LHFPL3: variants seen among roughly 807,000 people sequenced by gnomAD.
LHFPL3 encodes LHFPL tetraspan subfamily member 3 protein.
In LHFPL3, 5 loss-of-function variants were observed where a neutral mutation model predicts 19.3. The ratio of observed to expected loss-of-function variants is 0.26; its 90% CI spans 0.14 to 0.54. The LOEUF is 0.54. Ranked by LOEUF, LHFPL3 falls within the 20% of genes least tolerant of loss-of-function variation. The pLI, the probability that LHFPL3 is intolerant of heterozygous loss-of-function variation, is 0.94. For synonymous variants in LHFPL3, 133 were observed against 126.2 expected (o/e 1.05, Z -0.36); for missense variants, 249 against 307.4 (o/e 0.81, Z 1.42).
chr7:104,413,620 T>C (rs571154991), intron 1 of LHFPL3, among the ~76,000 whole-genome samples: 1 of 152,304 alleles, frequency 6.6e-6, no homozygotes, highest in South Asian at 2.1e-4. Context: ...AGAGTCCATA[T>C]TCATGACCAC....
At chr7:104,687,707 C>A (rs1192459437) in intron 1 of LHFPL3, among the ~76,000 whole-genome samples, 2 of 152,194 alleles carry the variant, frequency 1.3e-5, no homozygotes, top group Non-Finnish European at 2.9e-5. Context: ...AGTTCCCTAT[C>A]TGGACCAGCA....
At chr7:104,885,865 C>T (rs965813446) in intron 2 of LHFPL3, among the ~76,000 whole-genome samples, 4 of 152,048 alleles carry the variant, frequency 2.6e-5, no homozygotes, top group Admixed American at 6.6e-5. Context: ...CTATATTGCC[C>T]GGTTCACCCT....
chr7:104,452,902 T>G lies in LHFPL3; in HGVS notation c.445+123678T>G, dbSNP rs550336011. ...AATTCATCCATAGACTGAGATACAG[T>G]ACAGATGATTACATTGGTGTCTGAT... On this transcript the variant is annotated intron_variant, in intron 1 of 2. Coordinates refer to ENST00000424859, the MANE Select transcript of LHFPL3 (RefSeq NM_199000.3). 3.3e-5 allele frequency among the ~76,000 whole-genome samples: 5 copies of G among 152,290 alleles called. No homozygotes were observed. In the South Asian group the frequency reaches 1.0e-3, roughly 32 times the overall value.
intron 1 of LHFPL3, among the ~76,000 whole-genome samples, chr7:104,512,235 A>G (rs924495206): frequency 2.2e-4 from 34 of 151,966 alleles, no homozygotes; most frequent in African/African-American, 8.0e-4. Flanking sequence ...GATTACAGGC[A>G]TGAGCCACAG....
chr7:104,697,559 A>T (rs987558268), intron 1 of LHFPL3, among the ~76,000 whole-genome samples: 1 of 152,208 alleles, frequency 6.6e-6, no homozygotes. Flanking sequence ...CAGAAGTCAG[A>T]TTTGCTGTGT....
intron 1 of LHFPL3, among the ~76,000 whole-genome samples, chr7:104,592,603 C>T (rs1443278850): frequency 6.6e-6 from 1 of 152,138 alleles, no homozygotes; most frequent in Non-Finnish European, 1.5e-5. Context: ...AAACTCTGTG[C>T]TGGGAGAACC....
intron 2 of LHFPL3, among the ~76,000 whole-genome samples, chr7:104,851,103 G>C (rs1005731175): frequency 6.6e-6 from 1 of 152,226 alleles, no homozygotes. Context: ...AGAGATCTCA[G>C]CAAGTATATC....
intron 1 of LHFPL3, among the ~76,000 whole-genome samples, chr7:104,523,451 T>C (rs757700777): frequency 2.6e-5 from 4 of 152,184 alleles, no homozygotes; most frequent in African/African-American, 4.8e-5. Context: ...TCATATGTGT[T>C]AACTCTGCCA....
At chr7:104,392,545 C>T (rs1374357002) in intron 1 of LHFPL3, among the ~76,000 whole-genome samples, 22 of 152,048 alleles carry the variant, frequency 1.4e-4, no homozygotes, top group African/African-American at 4.8e-4. Context: ...CCCACTTGAT[C>T]ATGGTGGATA....
At chr7:104,382,903 A>C (rs1790856656) in intron 1 of LHFPL3, among the ~76,000 whole-genome samples, 1 of 98,308 alleles carries the variant, frequency 1.0e-5, no homozygotes, top group African/African-American at 4.8e-5. Context: ...TCTGCAAAAT[A>C]ATCAAAATGC....
intron 1 of LHFPL3, among the ~76,000 whole-genome samples, chr7:104,673,724 A>G (rs200847010): frequency 2.0e-5 from 3 of 152,228 alleles, no homozygotes; most frequent in African/African-American, 4.8e-5. Context: ...AACATTGCCC[A>G]TGGGATCTGA....
chr7:104,737,415 G>C (rs1451160555), intron 2 of LHFPL3, among the ~76,000 whole-genome samples: 2 of 148,364 alleles, frequency 1.3e-5, no homozygotes, highest in Admixed American at 1.4e-4. Flanking sequence ...GCCCCAAATA[G>C]TTAGTTAGAG....
At chr7:104,434,895 T>C (rs1158291916) in intron 1 of LHFPL3, among the ~76,000 whole-genome samples, 3 of 152,184 alleles carry the variant, frequency 2.0e-5, no homozygotes, top group Non-Finnish European at 1.5e-5. Context: ...TTCATGTAGA[T>C]ATTAACAATA....
intron 1 of LHFPL3, among the ~76,000 whole-genome samples, chr7:104,704,966 C>A (rs1488325167): frequency 6.6e-6 from 1 of 152,204 alleles, no homozygotes; most frequent in Non-Finnish European, 1.5e-5. Flanking sequence ...AATCTTCTCT[C>A]AGGAGACTAT....
intron 2 of LHFPL3, among the ~76,000 whole-genome samples, chr7:104,867,706 G>T (rs920260097): frequency 6.6e-6 from 1 of 152,110 alleles, no homozygotes; most frequent in Admixed American, 6.6e-5. Context: ...GAAAAAGAGG[G>T]AATCCTCCCT....
intron 1 of LHFPL3, among the ~76,000 whole-genome samples, chr7:104,708,666 TACA>T (rs1793235697): frequency 6.6e-6 from 1 of 152,152 alleles, no homozygotes; most frequent in African/African-American, 2.4e-5. Flanking sequence ...CACACACTCA[TACA>T]CATAGACTCT....
intron 1 of LHFPL3, among the ~76,000 whole-genome samples, chr7:104,491,861 CAG>C (rs1793359723): frequency 6.6e-6 from 1 of 152,154 alleles, no homozygotes; most frequent in Non-Finnish European, 1.5e-5. Context: ...ATGACCAACA[CAG>C]AACACAAAAT....
chr7:104,481,083 G>A (rs969712191), intron 1 of LHFPL3, among the ~76,000 whole-genome samples: 1 of 152,108 alleles, frequency 6.6e-6, no homozygotes. Flanking sequence ...ATGCTGGGCT[G>A]CCCTAACACA....
chr7:104,607,022 T>A (rs4727603), intron 1 of LHFPL3, among the ~76,000 whole-genome samples: 145,978 of 152,308 alleles, frequency 0.96, 70,222 homozygotes, highest in East Asian at 1. Flanking sequence ...TGGCAAGGTC[T>A]CAAACCTTAT....
Sources: allele counts gnomAD v4.1 joint callset (sites outside exome capture counted in the v4.1 genomes callset), GRCh38; gene constraint gnomAD v4.1.1; transcripts MANE v1.5; gene names NCBI Gene and HGNC (gene_info 2026-07-23, HGNC 2026-07-21).